INTS8: variants seen among roughly 807,000 people sequenced by gnomAD.
The protein encoded by INTS8 is protein kaonashi-1.
INTS8 carries 47 observed loss-of-function variants against 138.9 expected under a neutral mutation model. The observed-to-expected ratio is 0.34, with a 90% CI of 0.27 to 0.43. The LOEUF (loss-of-function observed/expected upper bound fraction) is 0.43, where lower values mean the gene tolerates loss of function less well. INTS8 is among the 20% of genes least tolerant of loss of function. The pLI, the probability that INTS8 is intolerant of heterozygous loss-of-function variation, is 1.00. For synonymous variants in INTS8, 392 were observed against 400.9 expected (o/e 0.98, Z 0.27); for missense variants, 996 against 1,173.0 (o/e 0.85, Z 2.20).
At position 94,827,712 on chromosome 8, in the gene INTS8, T is replaced by C. The variant is rs1412682020; in HGVS notation, c.447-10T>C. 4 of 1,611,006 alleles carry C rather than the reference T, an allele frequency of 2.5e-6. No individual in the cohort carries two copies. The highest frequency in any genetic ancestry group is 3.4e-6 in the Non-Finnish European group (4 of 1,177,684). ...TGTATGAAATTTTCTTTTTCCTGTCTTTTCTTCAGGGCAATTAGGACAATT... is the reference window on the plus strand; with the variant it reads ...TGTATGAAATTTTCTTTTTCCTGTCCTTTCTTCAGGGCAATTAGGACAATT... On this transcript the variant is annotated splice_polypyrimidine_tract_variant and intron_variant, in intron 3 of 26. Coordinates refer to ENST00000523731, the MANE Select transcript of INTS8 (RefSeq NM_017864.4).
rs902602858 is a variant in INTS8 at position 94,872,229 on chromosome 8, A to G, written c.2533+227A>G. Among the ~76,000 whole-genome samples the G allele has an allele frequency of 4.6e-5, 7 of 151,766 alleles. No homozygotes were observed. The East Asian group carries it at 7.7e-4, about 17-fold the overall frequency. On this transcript the variant is annotated intron_variant, in intron 21 of 26. Transcript: ENST00000523731. The stretch of plus-strand genomic sequence containing the variant: ...CCTTTATTCTCTTTTTCAAAAAAAC[A>G]GTGAATTTTTTTTTGTGTGTGTGTG...
At chr8:94,851,726 G>T (rs750463234) in intron 13 of INTS8, 40 bp downstream of exon 13, 4 of 1,506,788 alleles carry the variant, frequency 2.7e-6, no homozygotes, top group South Asian at 1.3e-5. Context: ...AATTGCCCTT[G>T]TTTTCTGAGG....
intron 2 of INTS8, among the ~76,000 whole-genome samples, chr8:94,825,356 C>G (rs1240110632): frequency 1.3e-5 from 2 of 151,470 alleles, no homozygotes; most frequent in Non-Finnish European, 2.9e-5. Flanking sequence ...CGCTTGAACC[C>G]GGGAGGCTGA....
At position 94,823,352 on chromosome 8, in the gene INTS8, A is replaced by G. The variant is rs942274548; in HGVS notation, c.-80A>G. 4 of 1,508,218 alleles carry G rather than the reference A, an allele frequency of 2.7e-6. No individual in the cohort carries two copies. The highest frequency in any genetic ancestry group is 2.2e-5 in the Admixed American group (1 of 46,422). The allele number at this position is 1,508,218 out of a possible 1,614,324, so 93.4% of individuals were successfully genotyped here. The stretch of plus-strand genomic sequence containing the variant: ...TGGCCTCTCTCCCACCGGGTTCCGC[A>G]TACCCCAGGCACCGGCCCGCATCCA... On this transcript the variant is annotated 5_prime_UTR_variant, in exon 1 of 27. Coordinates refer to ENST00000523731, the MANE Select transcript of INTS8 (RefSeq NM_017864.4).
intron 8 of INTS8, among the ~76,000 whole-genome samples, chr8:94,838,844 T>C (rs113604226): frequency 7.9e-5 from 12 of 152,356 alleles, no homozygotes; most frequent in African/African-American, 2.6e-4. Context: ...TATACAGATG[T>C]TACTTCATCA....
intron 8 of INTS8, among the ~76,000 whole-genome samples, chr8:94,841,101 C>T (rs987145449): frequency 2.6e-5 from 4 of 151,790 alleles, no homozygotes; most frequent in Non-Finnish European, 5.9e-5. Flanking sequence ...TTAGTAGAGA[C>T]GGGATTTCAC....
intron 20 of INTS8, among the ~76,000 whole-genome samples, chr8:94,868,172 AG>A (rs1816252107): frequency 6.6e-6 from 1 of 152,164 alleles, no homozygotes; most frequent in Non-Finnish European, 1.5e-5. Flanking sequence ...GGGAGGAAAA[AG>A]GGTTCATTTA....
Position 94,827,830 on chromosome 8 carries a change from T to C in INTS8, c.518+37T>C, listed in dbSNP as rs371985298. 11 of 1,491,560 alleles carry C rather than the reference T, an allele frequency of 7.4e-6. No individual in the cohort carries two copies. In the African/African-American group the frequency reaches 1.4e-4, roughly 19 times the overall value. The allele number at this position is 1,491,560 out of a possible 1,614,324, so 92.4% of individuals were successfully genotyped here. A position where few individuals can be genotyped will look rare whatever the true frequency, so the allele number is the denominator to read the frequency against. ...GCTATGACCTTTACTTGGCACTTTT[T>C]TCATTGGAGTTTTAAAAATGTTTGC... On this transcript the variant is annotated intron_variant, in intron 4 of 26. Transcript: ENST00000523731.
At chr8:94,835,321 T>C (rs1011484482) in intron 6 of INTS8, among the ~76,000 whole-genome samples, 2 of 152,226 alleles carry the variant, frequency 1.3e-5, no homozygotes, top group African/African-American at 4.8e-5. Context: ...ATCTGAGTCT[T>C]TTTTGAGTTT....
At chr8:94,853,965 A>G (rs767375753) in intron 14 of INTS8, 50 bp downstream of exon 14, 2 of 1,167,724 alleles carry the variant, frequency 1.7e-6, no homozygotes, top group Admixed American at 1.7e-5. Flanking sequence ...CTTTATGGTC[A>G]GGTGCCGTGG....
chr8:94,880,675 T>C lies in INTS8; in HGVS notation c.*441T>C, dbSNP rs1586541439. ...TAGGTCAAGTGTTAAGCTTTATCAC[T>C]TTGACACTGTCCTTATCTCACAATG... On this transcript the variant is annotated 3_prime_UTR_variant, in exon 27 of 27. Coordinates refer to ENST00000523731, the MANE Select transcript of INTS8 (RefSeq NM_017864.4). The C allele has an allele frequency of 5.1e-6, 2 of 393,782 alleles. No individual in the cohort carries two copies. Among genetic ancestry groups the C allele is most frequent in the East Asian group, 7.2e-5 (2 of 27,750 alleles). The allele number at this position is 393,782 out of a possible 1,614,324, so 24.4% of individuals were successfully genotyped here.
intron 10 of INTS8, among the ~76,000 whole-genome samples, chr8:94,848,202 G>A (rs943912833): frequency 1.1e-4 from 17 of 151,856 alleles, no homozygotes; most frequent in African/African-American, 3.4e-4. Flanking sequence ...TAGTAGAGAC[G>A]AGGTTTCACC....
chr8:94,876,962 T>C (rs1816585444), intron 26 of INTS8, among the ~76,000 whole-genome samples: 1 of 152,220 alleles, frequency 6.6e-6, no homozygotes, highest in African/African-American at 2.4e-5. Context: ...GATCATCTTA[T>C]AAAGTAACAA....
At chr8:94,824,335 C>T (rs1814400612) in intron 1 of INTS8, among the ~76,000 whole-genome samples, 1 of 152,188 alleles carries the variant, frequency 6.6e-6, no homozygotes, top group Non-Finnish European at 1.5e-5. Flanking sequence ...GTTTTGGCAC[C>T]TGTATAATGC....
At chr8:94,866,129 A>T in intron 17 of INTS8, 29 bp from the exon 18 acceptor site, 1 of 929,090 alleles carries the variant, frequency 1.1e-6, no homozygotes, top group Non-Finnish European at 1.7e-6. Context: ...CTAATATTAA[A>T]TGTGTATTCA....
chr8:94,825,391 T>G (rs555936596), intron 2 of INTS8, among the ~76,000 whole-genome samples: 2 of 150,222 alleles, frequency 1.3e-5, no homozygotes, highest in Non-Finnish European at 3.0e-5. Context: ...GAGATGGCGC[T>G]ACTGCACTCC....
At chr8:94,861,765 G>C (rs7002058) in intron 16 of INTS8, among the ~76,000 whole-genome samples, 78,746 of 150,122 alleles carry the variant, frequency 0.52, 20,645 homozygotes, top group East Asian at 0.66. Flanking sequence ...TTAGTCAGGC[G>C]GGTCTGAACT....
chr8:94,837,120 T>C (rs1458854946), intron 7 of INTS8, among the ~76,000 whole-genome samples: 3 of 152,248 alleles, frequency 2.0e-5, no homozygotes, highest in African/African-American at 7.2e-5. Flanking sequence ...CAAACCACAT[T>C]ACTTTCCAGG....
At chr8:94,836,427 T>G (rs1563645591) in intron 6 of INTS8, 97 bp from the exon 7 acceptor site, 4 of 884,852 alleles carry the variant, frequency 4.5e-6, no homozygotes, top group Admixed American at 4.9e-5. Flanking sequence ...TTATGTCTTT[T>G]TTTCTGTGTT....
Sources: gnomAD v4.1 joint callset for allele counts (sites outside exome capture counted in the v4.1 genomes callset) on GRCh38, gnomAD v4.1.1 for gene constraint, MANE v1.5 for transcripts, NCBI Gene and HGNC (gene_info 2026-07-23, HGNC 2026-07-21) for gene names.